Variants in TIAM1 observed in about 807,000 individuals in gnomAD.
The protein encoded by TIAM1 is rho guanine nucleotide exchange factor TIAM1.
TIAM1 carries 65 observed loss-of-function variants against 163.5 expected under a neutral mutation model. The observed-to-expected ratio is 0.40, with a 90% CI of 0.33 to 0.49. The LOEUF (loss-of-function observed/expected upper bound fraction) is 0.49. Among genes scored for constraint, TIAM1 ranks in the 20% least tolerant of loss-of-function variants. TIAM1 has a pLI of 0.77. For synonymous variants in TIAM1, 833 were observed against 810.1 expected (o/e 1.03, Z -0.48); for missense variants, 1,789 against 2,044.7 (o/e 0.87, Z 2.41).
chr21:31,485,534 A>G (rs1349359514), intron 1 of TIAM1, among the ~76,000 whole-genome samples: 1 of 152,206 alleles, frequency 6.6e-6, no homozygotes, highest in Non-Finnish European at 1.5e-5. Flanking sequence ...CTGGGATAAC[A>G]GATCAAAATT....
At chr21:31,219,749 C>CA (rs368462446) in intron 8 of TIAM1, among the ~76,000 whole-genome samples, 59 of 149,960 alleles carry the variant, frequency 3.9e-4, no homozygotes, top group East Asian at 2.3e-3. Context: ...CAAAACAAAA[C>CA]AAAAAAAAAC....
In TIAM1 at chr21:31,222,667, G is replaced by GTACACA. The variant is rs2087627600; in HGVS notation, c.1995+733_1995+738dup. Among the ~76,000 whole-genome samples the GTACACA allele has an allele frequency of 2.9e-5, 3 of 104,606 alleles. No homozygotes were observed. The Admixed American group carries it at 4.1e-4, about 14-fold the overall frequency. 68.6% of individuals were successfully genotyped at this position (104,606 alleles called of 152,430 possible). A position where few individuals can be genotyped will look rare whatever the true frequency, so the allele number is the denominator to read the frequency against. On this transcript the variant is annotated intron_variant, in intron 8 of 27. Transcript: ENST00000541036. ...TATGTGTGTGTATATATACATACAT[G>GTACACA]TACACATACATATATATATATATAT...
intron 2 of TIAM1, among the ~76,000 whole-genome samples, chr21:31,442,072 T>TAAATAA (rs1350338587): frequency 9.7e-6 from 1 of 102,632 alleles, no homozygotes; most frequent in African/African-American, 4.1e-5. Context: ...AATAAATAAA[T>TAAATAA]ATATATATAT....
chr21:31,300,866 T>C (rs1009075626), intron 2 of TIAM1, among the ~76,000 whole-genome samples: 3 of 152,232 alleles, frequency 2.0e-5, no homozygotes, highest in Admixed American at 6.5e-5. Context: ...GCTAATTCTA[T>C]AATACTTAGA....
intron 16 of TIAM1, among the ~76,000 whole-genome samples, chr21:31,156,885 G>A (rs916577103): frequency 6.6e-5 from 10 of 152,160 alleles, no homozygotes; most frequent in South Asian, 2.1e-4. Context: ...TTGGCACCTC[G>A]CTTTATACCA....
intron 2 of TIAM1, among the ~76,000 whole-genome samples, chr21:31,383,416 G>A (rs964667557): frequency 3.3e-5 from 5 of 152,136 alleles, no homozygotes; most frequent in East Asian, 1.9e-4. Flanking sequence ...TTATGTACCC[G>A]ACCCTAGGCT....
rs573135424 is a variant in TIAM1, at chr21:31,400,682, G to A, written c.-368-61260C>T. Among the ~76,000 whole-genome samples, 4 of 152,336 alleles carry A rather than the reference G, an allele frequency of 2.6e-5. No homozygotes were observed. The East Asian group carries it at 7.7e-4, about 29-fold the overall frequency. ...GTTACCAAAGTGACACAGCTGGTTA[G>A]TGGGGCATAGAAGCCTTTAGGTCTT... On this transcript the variant is annotated intron_variant, in intron 2 of 28. Transcript: ENST00000286827.
chr21:31,238,227 T>C (rs1392193213), intron 6 of TIAM1, among the ~76,000 whole-genome samples: 4 of 152,212 alleles, frequency 2.6e-5, no homozygotes, highest in Admixed American at 1.3e-4. Flanking sequence ...TGCTTTAGCC[T>C]CACCCCTACA....
At chr21:31,296,704 CCCAGGCTGGAG>C (rs1164454957) in intron 2 of TIAM1, among the ~76,000 whole-genome samples, 28 of 151,996 alleles carry the variant, frequency 1.8e-4, no homozygotes, top group Admixed American at 1.5e-3. Flanking sequence ...CGCTCTGTCA[CCCAGGCTGGAG>C]TGCAGTGGTG....
At chr21:31,358,424 T>C (rs1438004469) in intron 2 of TIAM1, among the ~76,000 whole-genome samples, 1 of 152,156 alleles carries the variant, frequency 6.6e-6, no homozygotes, top group African/African-American at 2.4e-5. Context: ...TTCCACATGC[T>C]AACAACTCCC....
chr21:31,336,169 T>A (rs1198820081), intron 2 of TIAM1, among the ~76,000 whole-genome samples: 2 of 152,204 alleles, frequency 1.3e-5, no homozygotes, highest in Non-Finnish European at 2.9e-5. Context: ...CGGCCGGCCA[T>A]CAGCTAAGAC....
At chr21:31,470,477 G>A (rs920580226) in intron 1 of TIAM1, among the ~76,000 whole-genome samples, 1 of 151,986 alleles carries the variant, frequency 6.6e-6, no homozygotes, top group African/African-American at 2.4e-5. Context: ...GAGATTACAG[G>A]CATATGCCAC....
chr21:31,466,673 G>T (rs948998147), intron 1 of TIAM1, among the ~76,000 whole-genome samples: 1 of 152,176 alleles, frequency 6.6e-6, no homozygotes, highest in Non-Finnish European at 1.5e-5. Context: ...AGACGTCCTG[G>T]CCCGAAGCTC....
Position 31,374,232 on chromosome 21 carries a change from G to A in TIAM1, c.-368-34810C>T, listed in dbSNP as rs577510098. On this transcript the variant is annotated intron_variant, in intron 2 of 28. Transcript: ENST00000286827. Reference sequence around the variant, plus strand: ...CCAAATGGCACAGCTGGTGTGCAGCGGGCAGGGGGCGATCCCATAAAACAG... The same window carrying A: ...CCAAATGGCACAGCTGGTGTGCAGCAGGCAGGGGGCGATCCCATAAAACAG... Among the ~76,000 whole-genome samples the A allele has an allele frequency of 8.2e-4, 125 of 152,292 alleles. 1 individual carries two copies. Among genetic ancestry groups the A allele is most frequent in the African/African-American group, 2.8e-3 (118 of 41,564 alleles).
In TIAM1 at chr21:31,215,316, C is replaced by T. The variant is rs747181629; in HGVS notation, c.2143-1844G>A. ...AAAAGAAGAAGAGAAATGGGCCAGG[C>T]GCAGTGGCTCATGCCTATAATCCCA... is the stretch of plus-strand genomic sequence containing the variant. On this transcript the variant is annotated intron_variant, in intron 9 of 27. Coordinates refer to ENST00000541036, the MANE Select transcript of TIAM1 (RefSeq NM_001353694.2). Among the ~76,000 whole-genome samples the T allele has an allele frequency of 7.2e-5, 11 of 152,140 alleles. No individual in the cohort carries two copies. In the South Asian group the frequency reaches 8.3e-4, roughly 12 times the overall value.
intron 10 of TIAM1, among the ~76,000 whole-genome samples, chr21:31,210,743 G>GGAGA (rs1299852707): frequency 5.8e-4 from 40 of 69,468 alleles, no homozygotes; most frequent in Middle Eastern, 7.1e-3. Context: ...AAGAAGGAAG[G>GGAGA]AAGGGAGAAA....
intron 1 of TIAM1, among the ~76,000 whole-genome samples, chr21:31,527,170 C>G (rs2047815597): frequency 6.6e-6 from 1 of 152,154 alleles, no homozygotes; most frequent in African/African-American, 2.4e-5. Flanking sequence ...CACACCAATA[C>G]AGAGCCTGCA....
At chr21:31,279,595 C>T (rs944555141) in intron 2 of TIAM1, among the ~76,000 whole-genome samples, 1 of 152,176 alleles carries the variant, frequency 6.6e-6, no homozygotes, top group Non-Finnish European at 1.5e-5. Context: ...TTGGGGCAAA[C>T]TCTAAATGTC....
chr21:31,175,084 C>T (rs1009686045), intron 15 of TIAM1, among the ~76,000 whole-genome samples: 3 of 152,120 alleles, frequency 2.0e-5, no homozygotes, highest in Non-Finnish European at 4.4e-5. Context: ...CTGGGACTAC[C>T]GGTGCACACC....
Sources: gnomAD v4.1 joint callset for allele counts (sites outside exome capture counted in the v4.1 genomes callset) on GRCh38, gnomAD v4.1.1 for gene constraint, MANE v1.5 for transcripts, NCBI Gene and HGNC (gene_info 2026-07-23, HGNC 2026-07-21) for gene names.